The following FER variants were observed in gnomAD, a reference collection of about 807,000 sequenced individuals.
FER encodes FER tyrosine kinase.
FER carries 63 observed loss-of-function variants against 111.0 expected under a neutral mutation model. That is an observed-to-expected ratio of 0.57 (90% confidence interval 0.46 to 0.70). The LOEUF is 0.70. Ranked by LOEUF, FER falls within the 30% of genes least tolerant of loss-of-function variation. The pLI is 0.00. For synonymous variants in FER, 327 were observed against 313.9 expected, an observed-to-expected ratio of 1.04 and a Z score of -0.44; for missense variants, 914 against 954.0, an observed-to-expected ratio of 0.96 and a Z score of 0.55.
chr5:109,077,531 C>T (rs1011946872), intron 16 of FER, among the ~76,000 whole-genome samples: 3 of 152,010 alleles, frequency 2.0e-5, no homozygotes, highest in Non-Finnish European at 4.4e-5. Context: ...TGATTCTTCC[C>T]AGTTACCATT....
At chr5:108,889,850 G>A (rs1472158470) in intron 9 of FER, among the ~76,000 whole-genome samples, 1 of 151,864 alleles carries the variant, frequency 6.6e-6, no homozygotes, top group Non-Finnish European at 1.5e-5. Context: ...CAGAGGAAGC[G>A]TGATGTAGCA....
chr5:108,847,274 A>G (rs894073854), intron 5 of FER, among the ~76,000 whole-genome samples: 1 of 150,858 alleles, frequency 6.6e-6, no homozygotes, highest in Admixed American at 6.6e-5. Flanking sequence ...TCTTTGATTC[A>G]TAGGTTATTT....
chr5:109,046,199 C>CT (rs1320779396), intron 15 of FER, among the ~76,000 whole-genome samples: 1 of 152,088 alleles, frequency 6.6e-6, no homozygotes, highest in Non-Finnish European at 1.5e-5. Flanking sequence ...TTTCTCAGAA[C>CT]TTTTGTTTCT....
intron 10 of FER, among the ~76,000 whole-genome samples, chr5:108,945,179 A>T (rs1265808608): frequency 6.6e-6 from 1 of 152,140 alleles, no homozygotes; most frequent in African/African-American, 2.4e-5. Context: ...TGGCATCACT[A>T]ATGCTGGAAG....
At chr5:109,023,171 T>A (rs911158358) in intron 13 of FER, among the ~76,000 whole-genome samples, 1 of 152,038 alleles carries the variant, frequency 6.6e-6, no homozygotes, top group African/African-American at 2.4e-5. Flanking sequence ...ATGTGTCGAG[T>A]GATGTTTTGC....
At chr5:108,966,014 T>G (rs1383415979) in intron 13 of FER, among the ~76,000 whole-genome samples, 1 of 152,222 alleles carries the variant, frequency 6.6e-6, no homozygotes, top group Non-Finnish European at 1.5e-5. Flanking sequence ...ACTCTCATCC[T>G]CTACCAGCAG....
chr5:108,814,914 G>A (rs1758127321), intron 3 of FER, among the ~76,000 whole-genome samples: 1 of 152,154 alleles, frequency 6.6e-6, no homozygotes, highest in Non-Finnish European at 1.5e-5. Flanking sequence ...AATAGTAGGA[G>A]ATGGAGACCT....
At chr5:108,931,031 G>T (rs1229699069) in intron 10 of FER, among the ~76,000 whole-genome samples, 2 of 152,120 alleles carry the variant, frequency 1.3e-5, no homozygotes, top group African/African-American at 4.8e-5. Flanking sequence ...TTCTGAGTAA[G>T]AACTTTTTAT....
At chr5:109,166,346 C>T (rs1756556230) in intron 17 of FER, among the ~76,000 whole-genome samples, 1 of 152,026 alleles carries the variant, frequency 6.6e-6, no homozygotes, top group African/African-American at 2.4e-5. Context: ...AGACAGAAGA[C>T]ATTATTACCC....
chr5:108,849,485 TTTGTTG>T (rs978867226), intron 5 of FER, among the ~76,000 whole-genome samples: 3 of 151,906 alleles, frequency 2.0e-5, no homozygotes. Flanking sequence ...GTTGTTTTGT[TTTGTTG>T]TTGTTGTTGT....
intron 9 of FER, among the ~76,000 whole-genome samples, chr5:108,885,994 A>G (rs923084650): frequency 1.3e-5 from 2 of 151,962 alleles, no homozygotes; most frequent in African/African-American, 4.8e-5. Context: ...ATCTCTTCAC[A>G]TGTTTATAGA....
intron 17 of FER, among the ~76,000 whole-genome samples, chr5:109,158,392 G>A (rs1051171098): frequency 3.9e-5 from 6 of 151,978 alleles, no homozygotes; most frequent in Non-Finnish European, 8.8e-5. Flanking sequence ...GACAGAGTGA[G>A]ACACTGTCTC....
chr5:108,934,052 C>T (rs1755094060), intron 10 of FER, among the ~76,000 whole-genome samples: 1 of 152,072 alleles, frequency 6.6e-6, no homozygotes, highest in African/African-American at 2.4e-5. Flanking sequence ...TTTGAATACC[C>T]TTTATTTCTT....
chr5:108,925,523 T>C (rs1048586773), intron 10 of FER, among the ~76,000 whole-genome samples: 6 of 152,136 alleles, frequency 3.9e-5, no homozygotes, highest in Admixed American at 3.9e-4. Flanking sequence ...TATATTTATA[T>C]GTCATTTTGC....
chr5:108,850,705 T>G (rs1762467755), intron 5 of FER, among the ~76,000 whole-genome samples: 1 of 152,226 alleles, frequency 6.6e-6, no homozygotes. Context: ...GTATTCTGTT[T>G]ATTACAGTAA....
intron 10 of FER, among the ~76,000 whole-genome samples, chr5:108,912,174 C>A (rs1751644473): frequency 6.6e-6 from 1 of 152,104 alleles, no homozygotes; most frequent in Admixed American, 6.5e-5. Context: ...CATAAATTAC[C>A]CAGTCTCAGG....
chr5:108,868,583 C>T (rs1338741735), intron 6 of FER, among the ~76,000 whole-genome samples: 1 of 152,050 alleles, frequency 6.6e-6, no homozygotes, highest in Non-Finnish European at 1.5e-5. Flanking sequence ...TAGTGCCTTC[C>T]AAATGACTAA....
chr5:109,087,436 C>T (rs1048627212), intron 16 of FER, among the ~76,000 whole-genome samples: 4 of 151,782 alleles, frequency 2.6e-5, no homozygotes, highest in African/African-American at 7.2e-5. Context: ...TTTCCCTTTG[C>T]TCTACTTATT....
At chr5:108,925,388 A>G (rs1020999671) in intron 10 of FER, among the ~76,000 whole-genome samples, 9 of 151,970 alleles carry the variant, frequency 5.9e-5, no homozygotes, top group Admixed American at 3.9e-4. Flanking sequence ...TTTGTAATCA[A>G]TGTTTATGGT....
Sources: allele counts gnomAD v4.1 joint callset (sites outside exome capture counted in the v4.1 genomes callset), GRCh38; gene constraint gnomAD v4.1.1; transcripts MANE v1.5; gene names NCBI Gene and HGNC (gene_info 2026-07-23, HGNC 2026-07-21).